The following NSMCE2 variants were observed in gnomAD, a reference collection of about 807,000 sequenced individuals.
NSMCE2 encodes NSE2 SUMO ligase component of SMC5/6 complex, also known as E3 SUMO-protein ligase NSE2.
A neutral mutation model predicts 23.8 loss-of-function variants in NSMCE2; 24 were observed. The observed-to-expected ratio is 1.01, with a 90% confidence interval of 0.73 to 1.42. The LOEUF (loss-of-function observed/expected upper bound fraction) is 1.42. NSMCE2 is among the 40% of genes most tolerant of loss of function. The pLI is 0.00. For missense variants in NSMCE2, 284 were observed against 296.5 expected (o/e 0.96, Z 0.31); for synonymous variants, 92 against 94.1 (o/e 0.98, Z 0.13).
chr8:125,340,763 A>G (rs1347896516), intron 5 of NSMCE2, among the ~76,000 whole-genome samples: 1 of 152,264 alleles, frequency 6.6e-6, no homozygotes, highest in East Asian at 1.9e-4. Context: ...AGCTTTGTTC[A>G]GATGAATAGC....
chr8:125,161,345 TTA>T (rs1241339718), intron 4 of NSMCE2, among the ~76,000 whole-genome samples: 4 of 152,236 alleles, frequency 2.6e-5, no homozygotes, highest in African/African-American at 7.2e-5. Flanking sequence ...GTGAAAATCA[TTA>T]TGTTTATTTA....
intron 3 of NSMCE2, among the ~76,000 whole-genome samples, chr8:125,149,850 GT>G (rs1820899880): frequency 6.6e-6 from 1 of 151,902 alleles, no homozygotes; most frequent in Non-Finnish European, 1.5e-5. Flanking sequence ...AGGTTTTTTT[GT>G]TTGTTTTTAT....
At chr8:125,234,211 C>A (rs1225389074) in intron 5 of NSMCE2, among the ~76,000 whole-genome samples, 1 of 151,824 alleles carries the variant, frequency 6.6e-6, no homozygotes, top group Non-Finnish European at 1.5e-5. Flanking sequence ...AAATCTCTGG[C>A]CTTTATCTTT....
intron 5 of NSMCE2, among the ~76,000 whole-genome samples, chr8:125,353,659 C>A (rs1418896628): frequency 6.6e-6 from 1 of 151,806 alleles, no homozygotes; most frequent in South Asian, 2.1e-4. Context: ...CTGAGGCAGG[C>A]GGATCACAAG....
At chr8:125,286,624 T>C (rs1307984999) in intron 5 of NSMCE2, among the ~76,000 whole-genome samples, 11 of 152,310 alleles carry the variant, frequency 7.2e-5, no homozygotes, top group African/African-American at 2.6e-4. Context: ...AAATAACATC[T>C]TTTATGTGCC....
intron 3 of NSMCE2, among the ~76,000 whole-genome samples, chr8:125,107,406 G>A (rs576833976): frequency 1.3e-5 from 2 of 151,806 alleles, no homozygotes; most frequent in Non-Finnish European, 2.9e-5. Context: ...GTTGTCCAGG[G>A]TGGTCTTGAA....
chr8:125,123,607 AACACAC>A (rs145276147), intron 3 of NSMCE2, among the ~76,000 whole-genome samples: 4 of 152,004 alleles, frequency 2.6e-5, no homozygotes, highest in African/African-American at 9.7e-5. Context: ...CACGCACACA[AACACAC>A]ACACACAAGT....
In NSMCE2 at chr8:125,324,636, G is replaced by A. The variant is rs1365263963; in HGVS notation, c.419-32583G>A. Among the ~76,000 whole-genome samples the A allele has an allele frequency of 5.1e-5, 5 of 97,766 alleles. 1 individual carries two copies. Among genetic ancestry groups the A allele is most frequent in the East Asian group, 6.8e-4 (2 of 2,952 alleles). 64.1% of individuals were successfully genotyped at this position (97,766 alleles called of 152,430 possible). A position where few individuals can be genotyped will look rare whatever the true frequency, so the allele number is the denominator to read the frequency against. On this transcript the variant is annotated intron_variant, in intron 5 of 7. Coordinates refer to ENST00000287437, the MANE Select transcript of NSMCE2 (RefSeq NM_173685.4). ...GTTGCCCAGGCTGGAGTGCAGTGGC[G>A]CAATCTCGGCTCACTGCAAGCTCCG...
intron 5 of NSMCE2, among the ~76,000 whole-genome samples, chr8:125,188,490 C>T (rs575661039): frequency 6.6e-6 from 1 of 152,228 alleles, no homozygotes; most frequent in South Asian, 2.1e-4. Context: ...GGGTGTGGAC[C>T]CACTGTTGCC....
At chr8:125,213,094 G>C (rs1188524278) in intron 5 of NSMCE2, among the ~76,000 whole-genome samples, 1 of 151,952 alleles carries the variant, frequency 6.6e-6, no homozygotes, top group African/African-American at 2.4e-5. Context: ...TAGGGAAAAA[G>C]AAAAAAAGAA....
intron 4 of NSMCE2, among the ~76,000 whole-genome samples, chr8:125,170,149 CTCT>C (rs1028666157): frequency 6.6e-6 from 1 of 152,094 alleles, no homozygotes; most frequent in African/African-American, 2.4e-5. Flanking sequence ...TAACTGTCTT[CTCT>C]TCATTTTCAC....
chr8:125,325,568 A>G (rs1269698685), intron 5 of NSMCE2, among the ~76,000 whole-genome samples: 1 of 152,122 alleles, frequency 6.6e-6, no homozygotes, highest in Non-Finnish European at 1.5e-5. Context: ...GCTGGTCTTG[A>G]ACTCCTGAGC....
rs1033241365 is a variant in NSMCE2 at position 125,252,335 on chromosome 8, T to C, written c.418+70079T>C. Among the ~76,000 whole-genome samples, 112 of 152,300 alleles carry C rather than the reference T, an allele frequency of 7.4e-4. 1 individual carries two copies. Among genetic ancestry groups the C allele is most frequent in the Non-Finnish European group, 2.9e-4 (20 of 68,020 alleles). The stretch of plus-strand genomic sequence containing the variant: ...CAAGGTAAGGAGATTGAGACCAACC[T>C]GGCTAACACGGTGAAACCCTGTCTC... On this transcript the variant is annotated intron_variant, in intron 5 of 7. Transcript: ENST00000287437.
At chr8:125,170,415 T>TTTTTTTTTTTTTTTTA (rs1199459816) in intron 4 of NSMCE2, among the ~76,000 whole-genome samples, 1 of 93,198 alleles carries the variant, frequency 1.1e-5, no homozygotes, top group East Asian at 3.3e-4. Flanking sequence ...TTTTTTTTTT[T>TTTTTTTTTTTTTTTTA]AAGACAGAGT....
intron 3 of NSMCE2, among the ~76,000 whole-genome samples, chr8:125,110,633 A>G (rs745526695): frequency 6.6e-6 from 1 of 152,168 alleles, no homozygotes; most frequent in Admixed American, 6.5e-5. Context: ...TTTGATTATA[A>G]GCAGTCTGAC....
rs112881729 is a variant in NSMCE2, at chr8:125,291,630, A to G, written c.419-65589A>G. Among the ~76,000 whole-genome samples, 324 of 152,360 alleles carry G rather than the reference A, an allele frequency of 2.1e-3. 1 individual carries two copies. Among genetic ancestry groups the G allele is most frequent in the African/African-American group, 7.4e-3 (306 of 41,586 alleles). On this transcript the variant is annotated intron_variant, in intron 5 of 7. Coordinates refer to ENST00000287437, the MANE Select transcript of NSMCE2 (RefSeq NM_173685.4). The stretch of plus-strand genomic sequence containing the variant: ...GGGATGTGTTTTCAGTGTGATGGAA[A>G]GATTGTTTCCAGTGATCTTAGTGAT...
At chr8:125,105,179 T>C (rs1818396435) in intron 3 of NSMCE2, among the ~76,000 whole-genome samples, 1 of 152,232 alleles carries the variant, frequency 6.6e-6, no homozygotes, top group South Asian at 2.1e-4. Context: ...TTTTCAGTCA[T>C]TCATGGCAGG....
intron 7 of NSMCE2, among the ~76,000 whole-genome samples, chr8:125,359,746 G>C (rs912965448): frequency 1.1e-4 from 17 of 152,282 alleles, no homozygotes; most frequent in East Asian, 1.9e-4. Flanking sequence ...AAAGTAGCTG[G>C]TACACAGTAG....
chr8:125,171,576 C>A (rs1226611666), intron 4 of NSMCE2, among the ~76,000 whole-genome samples: 1 of 152,156 alleles, frequency 6.6e-6, no homozygotes, highest in African/African-American at 2.4e-5. Context: ...CAGTACCTTG[C>A]CAATAATAAA....
Sources: allele counts gnomAD v4.1 joint callset (sites outside exome capture counted in the v4.1 genomes callset), GRCh38; gene constraint gnomAD v4.1.1; transcripts MANE v1.5; gene names NCBI Gene and HGNC (gene_info 2026-07-23, HGNC 2026-07-21).